The following SGK3 variants were observed in gnomAD, a reference collection of about 807,000 sequenced individuals.
SGK3 encodes the protein serum/glucocorticoid regulated kinase family member 3, also known as serine/threonine-protein kinase Sgk3.
SGK3 carries 47 observed loss-of-function variants against 68.5 expected under a neutral mutation model. The observed-to-expected ratio is 0.69, with a 90% CI of 0.54 to 0.87. SGK3 has a LOEUF of 0.87. Ranked by LOEUF, SGK3 falls within the 40% of genes least tolerant of loss-of-function variation. The pLI, the probability that SGK3 is intolerant of heterozygous loss-of-function variation, is 0.00. For missense variants in SGK3, 479 were observed against 575.5 expected, an observed-to-expected ratio of 0.83 and a Z score of 1.72; for synonymous variants, 181 against 189.1, an observed-to-expected ratio of 0.96 and a Z score of 0.35.
At chr8:66,729,526 A>G (rs1805082464) in intron 1 of SGK3, among the ~76,000 whole-genome samples, 1 of 151,980 alleles carries the variant, frequency 6.6e-6, no homozygotes, top group African/African-American at 2.4e-5. Flanking sequence ...TCATTCATCT[A>G]TTGATTGATG....
At chr8:66,749,109 G>A (rs1040508469) in intron 1 of SGK3, among the ~76,000 whole-genome samples, 1 of 152,042 alleles carries the variant, frequency 6.6e-6, no homozygotes, top group African/African-American at 2.4e-5. Flanking sequence ...GAGAAAATAT[G>A]GTTAAGAAAA....
intron 1 of SGK3, chr8:66,790,740 C>T (rs957213961): frequency 6.6e-6 from 1 of 152,292 alleles, no homozygotes; most frequent in African/African-American, 2.4e-5. Flanking sequence ...CAGCCCCAGC[C>T]CACATTGCAG....
At chr8:66,857,185 T>C (rs1182311620) in intron 16 of SGK3, among the ~76,000 whole-genome samples, 1 of 152,182 alleles carries the variant, frequency 6.6e-6, no homozygotes, top group African/African-American at 2.4e-5. Flanking sequence ...GAAAAAACCA[T>C]ACATACGTAC....
Position 66,836,130 on chromosome 8 carries a change from C to G in SGK3, c.741+56C>G, listed in dbSNP as rs1167053039. On this transcript the variant is annotated intron_variant, in intron 10 of 16. Coordinates refer to ENST00000521198, the MANE Select transcript of SGK3 (RefSeq NM_001033578.3). ...ATAGTTTAGAAAAATAGCATAAAGT[C>G]AAAGTTTTTCTTGTAAGTTTTAGAA... 4.5e-6 allele frequency: 7 copies of G among 1,558,752 alleles called. 1 individual carries two copies. The South Asian group carries it at 4.9e-5, about 11-fold the overall frequency.
intron 1 of SGK3, among the ~76,000 whole-genome samples, chr8:66,787,624 A>T (rs1456525824): frequency 6.6e-6 from 1 of 152,168 alleles, no homozygotes; most frequent in Non-Finnish European, 1.5e-5. Flanking sequence ...CCACTTTGTC[A>T]TCGGTCCATT....
At chr8:66,848,988 C>T (rs761368010) in intron 15 of SGK3, among the ~76,000 whole-genome samples, 7 of 152,202 alleles carry the variant, frequency 4.6e-5, no homozygotes, top group East Asian at 1.9e-4. Context: ...CAAGAGCACA[C>T]GTGCGTCTCA....
intron 1 of SGK3, among the ~76,000 whole-genome samples, chr8:66,713,375 T>C (rs778019072): frequency 3.9e-5 from 6 of 152,252 alleles, no homozygotes; most frequent in Non-Finnish European, 8.8e-5. Flanking sequence ...TTGAGATTTT[T>C]AGATTCTGTC....
At chr8:66,796,417 G>A (rs536969269) in intron 2 of SGK3, among the ~76,000 whole-genome samples, 7 of 128,212 alleles carry the variant, frequency 5.5e-5, no homozygotes, top group Non-Finnish European at 7.8e-5. Context: ...CGCCCACCTC[G>A]GCCTCCCAAA....
rs146166996 is a variant in SGK3, at chr8:66,794,856, A to G, written c.96+1024A>G. Among the ~76,000 whole-genome samples the G allele has an allele frequency of 2.9e-3, 443 of 152,274 alleles. 3 individuals are homozygous for G. The highest frequency in any genetic ancestry group is 0.01 in the African/African-American group (431 of 41,550). On this transcript the variant is annotated intron_variant, in intron 2 of 16. Coordinates refer to ENST00000521198, the MANE Select transcript of SGK3 (RefSeq NM_001033578.3). ...TGGCTGGTCTGGCAAATAGCCTGCTATGACTGACCTGGTAACCTGGGCATT... is the reference window on the plus strand; with the variant it reads ...TGGCTGGTCTGGCAAATAGCCTGCTGTGACTGACCTGGTAACCTGGGCATT...
chr8:66,713,759 A>G (rs1804557955), intron 1 of SGK3, among the ~76,000 whole-genome samples: 1 of 152,296 alleles, frequency 6.6e-6, no homozygotes, highest in South Asian at 2.1e-4. Context: ...TTATCATATT[A>G]TAGCGGTTCT....
At position 66,768,560 on chromosome 8, in the gene SGK3, C is replaced by CTATT. The variant is rs905864095; in HGVS notation, c.-121-25038_-121-25035dup. ...TATAGATGTTGCTCCACTTCTTGTA[C>CTATT]TATTTATTTATTTATTTATTTTGAG... is the stretch of plus-strand genomic sequence containing the variant. On this transcript the variant is annotated intron_variant, in intron 1 of 16. Coordinates refer to ENST00000521198, the MANE Select transcript of SGK3 (RefSeq NM_001033578.3). Among the ~76,000 whole-genome samples, 31 of 151,666 alleles carry CTATT rather than the reference C, an allele frequency of 2.0e-4. No individual in the cohort carries two copies. The South Asian group carries it at 2.9e-3, about 14-fold the overall frequency.
intron 7 of SGK3, among the ~76,000 whole-genome samples, chr8:66,829,368 T>G (rs1212255509): frequency 6.6e-6 from 1 of 152,130 alleles, no homozygotes; most frequent in African/African-American, 2.4e-5. Flanking sequence ...TTGCTCTACT[T>G]GGAGAATGAT....
chr8:66,836,832 A>C (rs1241242919), intron 10 of SGK3, among the ~76,000 whole-genome samples: 2 of 139,528 alleles, frequency 1.4e-5, no homozygotes, highest in African/African-American at 2.7e-5. Flanking sequence ...GCTGGAGTGC[A>C]GTGGTCACAG....
chr8:66,745,433 G>C (rs151076347), intron 1 of SGK3, among the ~76,000 whole-genome samples: 61 of 152,212 alleles, frequency 4.0e-4, no homozygotes, highest in African/African-American at 1.3e-3. Context: ...AATTAGCCAG[G>C]TGTGGTGGCG....
chr8:66,793,628 A>T lies in SGK3; in HGVS notation c.-109A>T. 1 of 990,862 alleles carries T rather than the reference A, an allele frequency of 1.0e-6. No individual in the cohort carries two copies. The highest frequency in any genetic ancestry group is 1.4e-6 in the Non-Finnish European group (1 of 697,834). 61.4% of individuals were successfully genotyped at this position (990,862 alleles called of 1,614,324 possible). ...TCTGTTGGTTAAGGTTGCATGATGG[A>T]ATTTGAACATTACTTCAAGAGGTTT... On this transcript the variant is annotated 5_prime_UTR_variant, in exon 2 of 17. Coordinates refer to ENST00000521198, the MANE Select transcript of SGK3 (RefSeq NM_001033578.3).
intron 15 of SGK3, among the ~76,000 whole-genome samples, chr8:66,848,720 A>C (rs1810139488): frequency 6.6e-6 from 1 of 152,100 alleles, no homozygotes; most frequent in East Asian, 1.9e-4. Flanking sequence ...GTCAGTAATT[A>C]AATGTTATCA....
intron 4 of SGK3, among the ~76,000 whole-genome samples, chr8:66,809,090 A>G (rs950775930): frequency 1.3e-5 from 2 of 151,932 alleles, no homozygotes; most frequent in African/African-American, 2.4e-5. Flanking sequence ...GCTGGTTTTG[A>G]ACTCCAACCT....
At chr8:66,837,265 T>A (rs574128584) in intron 10 of SGK3, among the ~76,000 whole-genome samples, 20 of 152,284 alleles carry the variant, frequency 1.3e-4, no homozygotes, top group Admixed American at 9.2e-4. Context: ...GTCTAAAAAA[T>A]TTTTTTAACT....
chr8:66,786,710 A>G (rs902184489), intron 1 of SGK3, among the ~76,000 whole-genome samples: 2 of 152,124 alleles, frequency 1.3e-5, no homozygotes, highest in East Asian at 3.9e-4. Context: ...CTTTCCAGAT[A>G]CAATTGAGGC....
Sources: allele counts gnomAD v4.1 joint callset (sites outside exome capture counted in the v4.1 genomes callset), GRCh38; gene constraint gnomAD v4.1.1; transcripts MANE v1.5; gene names NCBI Gene and HGNC (gene_info 2026-07-23, HGNC 2026-07-21).